Variants in R3HDM2 observed in about 807,000 individuals in gnomAD.
The protein encoded by R3HDM2 is R3H domain-containing protein 2.
R3HDM2 carries 38 observed loss-of-function variants against 124.5 expected under a neutral mutation model. That is an observed-to-expected ratio of 0.31 (90% CI 0.24 to 0.40). The LOEUF (loss-of-function observed/expected upper bound fraction) is 0.40, where lower values mean the gene tolerates loss of function less well. R3HDM2 is among the 10% of genes least tolerant of loss of function. The pLI is 1.00. For missense variants in R3HDM2, 869 were observed against 1,236.9 expected (o/e 0.70, Z 4.46); for synonymous variants, 391 against 448.0 (o/e 0.87, Z 1.61).
chr12:57,271,894 A>ATT lies in R3HDM2; in HGVS notation c.1345-1902_1345-1901dup, dbSNP rs377415685. Among the ~76,000 whole-genome samples the ATT allele has an allele frequency of 8.5e-3, 1,220 of 143,542 alleles. 20 individuals carry two copies. The highest frequency in any genetic ancestry group is 0.029 in the African/African-American group (1,132 of 39,260). The allele number at this position is 143,542 out of a possible 152,430, so 94.2% of individuals were successfully genotyped here. On this transcript the variant is annotated intron_variant, in intron 14 of 23. Transcript: ENST00000402412. The stretch of plus-strand genomic sequence containing the variant: ...TGATACCAGAGAAGTCTGCAACTGC[A>ATT]TTTTTTTTTTTTTTTGAGACGGAGT...
At chr12:57,303,668 G>C (rs975156544) in intron 3 of R3HDM2, among the ~76,000 whole-genome samples, 3 of 152,096 alleles carry the variant, frequency 2.0e-5, no homozygotes, top group African/African-American at 7.2e-5. Context: ...TGTAGTCTCA[G>C]GTATCTGGGA....
At chr12:57,299,288 G>A (rs1388360530) in intron 6 of R3HDM2, 64 bp downstream of exon 6, 2 of 1,468,404 alleles carry the variant, frequency 1.4e-6, no homozygotes, top group East Asian at 5.0e-5. Context: ...GCAGGTGCCA[G>A]GCTTCAGGAT....
At chr12:57,312,193 T>C (rs1345911009) in intron 2 of R3HDM2, among the ~76,000 whole-genome samples, 1 of 152,202 alleles carries the variant, frequency 6.6e-6, no homozygotes, top group Non-Finnish European at 1.5e-5. Context: ...TATTTTCCTC[T>C]CCTTCAAATC....
At chr12:57,266,372 A>G (rs1188801548) in intron 19 of R3HDM2, among the ~76,000 whole-genome samples, 1 of 152,136 alleles carries the variant, frequency 6.6e-6, no homozygotes, top group Non-Finnish European at 1.5e-5. Flanking sequence ...CTGGGATTAC[A>G]GGCATGAGCC....
intron 1 of R3HDM2, among the ~76,000 whole-genome samples, chr12:57,420,561 T>C (rs1242714922): frequency 1.3e-5 from 2 of 151,724 alleles, no homozygotes; most frequent in African/African-American, 4.8e-5. Context: ...TCTCATTATA[T>C]TGCCCAGGCT....
chr12:57,361,130 C>A (rs1303869355), intron 2 of R3HDM2, among the ~76,000 whole-genome samples: 1 of 147,654 alleles, frequency 6.8e-6, no homozygotes. Flanking sequence ...AATCCCAGAA[C>A]TTTGGGAGGC....
At chr12:57,415,257 T>A (rs2069459570) in intron 1 of R3HDM2, 1 of 152,038 alleles carries the variant, frequency 6.6e-6, no homozygotes, top group Non-Finnish European at 1.5e-5. Context: ...GCAGAGGGAA[T>A]GAGAGAATGT....
Position 57,296,668 on chromosome 12 carries a change from T to C in R3HDM2, c.561-117A>G. 3.8e-6 allele frequency: 4 copies of C among 1,062,648 alleles called. No homozygotes were observed. The highest frequency in any genetic ancestry group is 5.4e-6 in the Non-Finnish European group (4 of 747,288). The allele number at this position is 1,062,648 out of a possible 1,614,324, so 65.8% of individuals were successfully genotyped here. On this transcript the variant is annotated intron_variant, in intron 8 of 23. Coordinates refer to ENST00000402412, the MANE Select transcript of R3HDM2 (RefSeq NM_001394031.1). The surrounding 1 kb of genome is among the most constrained non-coding windows in gnomAD (Gnocchi z 4.5). ...AAGTTTCTTAGGAGAAATAGACATA[T>C]TATAAGGAATATAGATATTTACTAA...
At chr12:57,269,224 C>A in intron 16 of R3HDM2, 99 bp downstream of exon 16, 1 of 1,561,590 alleles carries the variant, frequency 6.4e-7, no homozygotes, top group African/African-American at 1.4e-5. Flanking sequence ...TCATTCCTGC[C>A]CCTAGACCCA....
In R3HDM2 at chr12:57,420,519, CT is replaced by C. The variant is rs759872645; in HGVS notation, c.-106+10200del. On this transcript the variant is annotated intron_variant, in intron 1 of 23. Transcript: ENST00000402412. ...TCATTACACACACTTTACTGGTTTTCTTTTTTTTTTTTTTTTTTAATAGAGA... is the reference window on the plus strand; with the variant it reads ...TCATTACACACACTTTACTGGTTTTCTTTTTTTTTTTTTTTTTAATAGAGA... Among the ~76,000 whole-genome samples, 1,089 of 124,858 alleles carry C rather than the reference CT, an allele frequency of 8.7e-3. 10 individuals carry two copies. The highest frequency in any genetic ancestry group is 0.058 in the East Asian group (257 of 4,446). 81.9% of individuals were successfully genotyped at this position (124,858 alleles called of 152,430 possible). A position where few individuals can be genotyped will look rare whatever the true frequency, so the allele number is the denominator to read the frequency against.
intron 1 of R3HDM2, among the ~76,000 whole-genome samples, chr12:57,403,158 C>T (rs1345333182): frequency 6.6e-6 from 1 of 151,636 alleles, no homozygotes. Context: ...GAGTTCGAGA[C>T]CAGTCTGACC....
rs1178854516 is a variant in R3HDM2 at position 57,258,120 on chromosome 12, G to A, written c.2319C>T (p.Ser773=). ...DSSPQANTQM[S]SSPVTSPTQS... Reference sequence around the variant, plus strand: ...GGGTAGGAGATGTGACAGGGCTGCTGCTCATTTGTGTGTTGGCCTGTGGAA... The same window carrying A: ...GGGTAGGAGATGTGACAGGGCTGCTACTCATTTGTGTGTTGGCCTGTGGAA... Residue 773 remains serine, a synonymous_variant, in exon 21 of 24, where the codon AGC becomes AGT. Transcript: ENST00000402412. 1.9e-6 allele frequency: 3 copies of A among 1,566,210 alleles called. No individual in the cohort carries two copies. The highest frequency in any genetic ancestry group is 1.3e-5 in the African/African-American group (1 of 74,694).
chr12:57,292,232 G>A (rs1164362991), intron 11 of R3HDM2, among the ~76,000 whole-genome samples: 1 of 152,216 alleles, frequency 6.6e-6, no homozygotes, highest in East Asian at 1.9e-4. Flanking sequence ...GGGAGTGAAA[G>A]AGGGTAAGCA....
intron 2 of R3HDM2, among the ~76,000 whole-genome samples, chr12:57,355,276 T>G (rs565213320): frequency 1.3e-4 from 19 of 150,868 alleles, no homozygotes; most frequent in Non-Finnish European, 2.4e-4. Flanking sequence ...GCTAACACGG[T>G]GAAACCCCGT....
intron 2 of R3HDM2, among the ~76,000 whole-genome samples, chr12:57,353,635 A>C (rs11172176): frequency 0.37 from 55,878 of 151,856 alleles, 11,730 homozygotes; most frequent in Middle Eastern, 0.74. Flanking sequence ...AGCTGGCCTC[A>C]AACTCTTGGA....
intron 1 of R3HDM2, among the ~76,000 whole-genome samples, chr12:57,408,614 G>GA (rs1247171783): frequency 6.6e-6 from 1 of 151,858 alleles, no homozygotes; most frequent in African/African-American, 2.4e-5. Flanking sequence ...GAATATAGAT[G>GA]AAACAAAATT....
chr12:57,269,251 G>A, intron 16 of R3HDM2, 72 bp downstream of exon 16: 1 of 1,587,196 alleles, frequency 6.3e-7, no homozygotes, highest in Non-Finnish European at 8.6e-7. Flanking sequence ...TTTTAATGGA[G>A]AAGGTACTTC....
At chr12:57,267,477 C>T (rs1278378512) in intron 18 of R3HDM2, among the ~76,000 whole-genome samples, 1 of 152,170 alleles carries the variant, frequency 6.6e-6, no homozygotes, top group Non-Finnish European at 1.5e-5. Flanking sequence ...ATTGCTTGAA[C>T]CCAGGAGGTA....
At chr12:57,377,405 T>C (rs953718378) in intron 2 of R3HDM2, among the ~76,000 whole-genome samples, 2 of 152,118 alleles carry the variant, frequency 1.3e-5, no homozygotes, top group African/African-American at 4.8e-5. Flanking sequence ...ACATGCTTCA[T>C]ATTAACTCCT....
Sources: gnomAD v4.1 joint callset for allele counts (sites outside exome capture counted in the v4.1 genomes callset) on GRCh38, gnomAD v4.1.1 for gene constraint, Gnocchi (gnomAD v3.1) non-coding constraint, MANE v1.5 for transcripts, NCBI Gene and HGNC (gene_info 2026-07-23, HGNC 2026-07-21) for gene names.